The following SSBP3 variants were observed in gnomAD, a reference collection of about 807,000 sequenced individuals.
SSBP3 encodes the protein single-stranded DNA-binding protein 3.
A neutral mutation model predicts 69.6 loss-of-function variants in SSBP3; 5 were observed. That is an observed-to-expected ratio of 0.07 (90% CI 0.04 to 0.15). The LOEUF is 0.15. Ranked by LOEUF, SSBP3 falls within the 10% of genes least tolerant of loss-of-function variation. The pLI is 1.00. For synonymous variants in SSBP3, 196 were observed against 193.4 expected, an observed-to-expected ratio of 1.01 and a Z score of -0.11; for missense variants, 312 against 534.0, an observed-to-expected ratio of 0.58 and a Z score of 4.10.
At chr1:54,374,941 G>C (rs1203100072) in intron 4 of SSBP3, among the ~76,000 whole-genome samples, 1 of 152,198 alleles carries the variant, frequency 6.6e-6, no homozygotes, top group African/African-American at 2.4e-5. Context: ...AGGGGGAGGG[G>C]ACGAGAGCAT....
At chr1:54,393,633 T>A (rs75192724) in intron 4 of SSBP3, among the ~76,000 whole-genome samples, 18 of 152,072 alleles carry the variant, frequency 1.2e-4, no homozygotes, top group African/African-American at 4.3e-4. Flanking sequence ...CTACAAAACA[T>A]TAAAAATAAA....
At chr1:54,263,151 A>C (rs1338574434) in intron 5 of SSBP3, among the ~76,000 whole-genome samples, 4 of 152,210 alleles carry the variant, frequency 2.6e-5, no homozygotes, top group Non-Finnish European at 4.4e-5. Flanking sequence ...CGAAGTGTGG[A>C]CACTGATGGT....
At chr1:54,373,451 G>C (rs529014474) in intron 4 of SSBP3, among the ~76,000 whole-genome samples, 105 of 152,248 alleles carry the variant, frequency 6.9e-4, no homozygotes, top group African/African-American at 2.4e-3. Context: ...AGAAGGGTCA[G>C]CAAAGAGTTG....
intron 4 of SSBP3, among the ~76,000 whole-genome samples, chr1:54,378,630 G>T (rs1647378205): frequency 6.6e-6 from 1 of 152,174 alleles, no homozygotes. Context: ...GGGCTGGGAC[G>T]GCGGTTTGGT....
intron 4 of SSBP3, among the ~76,000 whole-genome samples, chr1:54,400,807 G>A (rs905786525): frequency 2.0e-5 from 3 of 152,202 alleles, no homozygotes; most frequent in Admixed American, 2.0e-4. Context: ...GAAATAACCA[G>A]ATGGGTCTGG....
chr1:54,252,720 G>A (rs1297765835), intron 7 of SSBP3, among the ~76,000 whole-genome samples: 9 of 152,264 alleles, frequency 5.9e-5, no homozygotes, highest in Non-Finnish European at 1.2e-4. Flanking sequence ...ATTTACTTGA[G>A]ACTGAAGTTA....
chr1:54,350,528 A>G (rs1304110580), intron 4 of SSBP3, among the ~76,000 whole-genome samples: 3 of 152,220 alleles, frequency 2.0e-5, no homozygotes, highest in Admixed American at 6.5e-5. Flanking sequence ...AGAGATTTAT[A>G]CGCGTATGGC....
intron 3 of SSBP3, among the ~76,000 whole-genome samples, chr1:54,402,362 A>G (rs1649371012): frequency 6.6e-6 from 1 of 152,136 alleles, no homozygotes; most frequent in African/African-American, 2.4e-5. Context: ...TTTCCTTTTT[A>G]CCACCCAAAC....
At chr1:54,348,828 G>A (rs987400711) in intron 4 of SSBP3, among the ~76,000 whole-genome samples, 6 of 152,340 alleles carry the variant, frequency 3.9e-5, no homozygotes, top group South Asian at 2.1e-4. Context: ...ACAGGGCTGC[G>A]GAAGTGAGTG....
intron 4 of SSBP3, among the ~76,000 whole-genome samples, chr1:54,326,982 G>A (rs1290909551): frequency 6.6e-6 from 1 of 151,944 alleles, no homozygotes; most frequent in Non-Finnish European, 1.5e-5. Context: ...TGGTGGGTGG[G>A]GGGTGCCCAA....
intron 7 of SSBP3, among the ~76,000 whole-genome samples, chr1:54,252,228 C>A (rs1644843078): frequency 6.6e-6 from 1 of 152,214 alleles, no homozygotes; most frequent in Non-Finnish European, 1.5e-5. Context: ...GGCAGCAGTG[C>A]CCACTCCCTC....
intron 4 of SSBP3, among the ~76,000 whole-genome samples, chr1:54,360,822 G>A (rs1454829389): frequency 6.6e-6 from 1 of 151,624 alleles, no homozygotes; most frequent in African/African-American, 2.4e-5. Flanking sequence ...GCTCACTCCT[G>A]TAATCCCAAC....
intron 4 of SSBP3, among the ~76,000 whole-genome samples, chr1:54,397,133 A>G (rs890984768): frequency 3.3e-5 from 5 of 152,240 alleles, no homozygotes; most frequent in African/African-American, 1.2e-4. Context: ...GTCAGAGCCA[A>G]AGGCAACGCC....
At chr1:54,263,125 C>T (rs916504155) in intron 5 of SSBP3, among the ~76,000 whole-genome samples, 1 of 152,210 alleles carries the variant, frequency 6.6e-6, no homozygotes, top group Non-Finnish European at 1.5e-5. Flanking sequence ...AACACTGGGC[C>T]ACTTCACGAA....
At chr1:54,313,770 C>CTT (rs779040552) in intron 4 of SSBP3, among the ~76,000 whole-genome samples, 40 of 144,820 alleles carry the variant, frequency 2.8e-4, no homozygotes, top group African/African-American at 9.5e-4. Context: ...AGGATTTTTA[C>CTT]TTTTTTTTTT....
intron 4 of SSBP3, among the ~76,000 whole-genome samples, chr1:54,379,232 C>T (rs1647431648): frequency 6.6e-6 from 1 of 152,358 alleles, no homozygotes; most frequent in East Asian, 1.9e-4. Context: ...GGAGGGCCTT[C>T]GCCAGCAGCA....
intron 5 of SSBP3, among the ~76,000 whole-genome samples, chr1:54,260,957 C>T (rs546760767): frequency 6.6e-6 from 1 of 152,344 alleles, no homozygotes; most frequent in Non-Finnish European, 1.5e-5. Flanking sequence ...TCCTCTCCCA[C>T]CTGCAGTGAA....
intron 4 of SSBP3, among the ~76,000 whole-genome samples, chr1:54,363,393 T>C (rs1351329937): frequency 7.5e-6 from 1 of 133,480 alleles, no homozygotes; most frequent in East Asian, 1.9e-4. Context: ...AAAAAGTACT[T>C]AGCACAATTC....
chr1:54,375,184 G>A (rs1035742606), intron 4 of SSBP3, among the ~76,000 whole-genome samples: 1 of 152,190 alleles, frequency 6.6e-6, no homozygotes, highest in East Asian at 1.9e-4. Flanking sequence ...GGAGGGCTCC[G>A]CAGCACAACA....
Sources: gnomAD v4.1 joint callset for allele counts (sites outside exome capture counted in the v4.1 genomes callset) on GRCh38, gnomAD v4.1.1 for gene constraint, MANE v1.5 for transcripts, NCBI Gene and HGNC (gene_info 2026-07-23, HGNC 2026-07-21) for gene names.